Variants in PRPF8 observed in about 807,000 individuals in gnomAD.
PRPF8 encodes the protein pre-mRNA-processing-splicing factor 8.
A neutral mutation model predicts 285.9 loss-of-function variants in PRPF8; 64 were observed. That is an observed-to-expected ratio of 0.22 (90% CI 0.18 to 0.28). The LOEUF is 0.28. Ranked by LOEUF, PRPF8 falls within the 10% of genes least tolerant of loss-of-function variation. The probability of loss-of-function intolerance (pLI) is 1.00; values close to 1 mark genes in which losing one functional copy is unlikely to be tolerated. For synonymous variants in PRPF8, 1,325 were observed against 1,118.2 expected (o/e 1.18, Z -3.69); for missense variants, 1,426 against 3,026.7 (o/e 0.47, Z 12.41).
chr17:1,681,104 G>A (rs1337823088), intron 6 of PRPF8, 50 bp from the exon 7 acceptor site: 4 of 1,568,418 alleles, frequency 2.6e-6, no homozygotes, highest in Middle Eastern at 2.0e-4. Context: ...TTGAGACAGG[G>A]TCTCACTCTT....
At position 1,653,178 on chromosome 17, in the gene PRPF8, G is replaced by C. The variant is rs1200470329; in HGVS notation, c.6369+364C>G. The C allele has an allele frequency of 2.5e-6, 1 of 397,230 alleles. No homozygotes were observed. The highest frequency in any genetic ancestry group is 4.8e-6 in the Non-Finnish European group (1 of 209,020). 24.6% of individuals were successfully genotyped at this position (397,230 alleles called of 1,614,324 possible). A position where few individuals can be genotyped will look rare whatever the true frequency, so the allele number is the denominator to read the frequency against. ...TGGTCTCAAACCCCTGACCTCAGGT[G>C]ATCCACCCACCTAGGCCTCCCAAAG... On this transcript the variant is annotated intron_variant, in intron 39 of 42. Transcript: ENST00000304992. The surrounding 1 kb of genome is among the most constrained non-coding windows in gnomAD (Gnocchi z 4.9).
chr17:1,658,453 T>TA lies in PRPF8; in HGVS notation c.5376+72dup. On this transcript the variant is annotated intron_variant, in intron 33 of 42. Coordinates refer to ENST00000304992, the MANE Select transcript of PRPF8 (RefSeq NM_006445.4). This position sits in a 1 kb window ranked among gnomAD's most constrained non-coding sequence, Gnocchi z 4.1. ...CATCCTGCCTTCTTCCCAGCATGTG[T>TA]ACACACTTAGCCCATTACTCTCCCA... is the stretch of plus-strand genomic sequence containing the variant. 1.2e-6 allele frequency: 2 copies of TA among 1,614,048 alleles called. No homozygotes were observed. Among genetic ancestry groups the TA allele is most frequent in the Non-Finnish European group, 1.7e-6 (2 of 1,179,886 alleles).
rs555033732 is a variant in PRPF8 at position 1,661,910 on chromosome 17, G to C, written c.4018C>G (p.Leu1340Val). 1 of 1,614,172 alleles carries C rather than the reference G, an allele frequency of 6.2e-7. No individual in the cohort carries two copies. The highest frequency in any genetic ancestry group is 8.5e-7 in the Non-Finnish European group (1 of 1,180,042). Residue 1340 changes from leucine (L) to valine (V), a missense_variant, in exon 25 of 43, where the codon CTC (leucine) becomes GTC (valine). Transcript: ENST00000304992. This position sits in a 1 kb window ranked among gnomAD's most constrained non-coding sequence, Gnocchi z 7.3. ...MGHVLIPQSD[L>V]RWSKQTDVGI... Reference sequence around the variant, plus strand: ...ATACGTTGAACCAGGCTGTACCTGAGGTCGGATTGGGGGATGAGCACATGG... The same window carrying C: ...ATACGTTGAACCAGGCTGTACCTGACGTCGGATTGGGGGATGAGCACATGG...
At chr17:1,667,279 G>A (rs1912044149) in intron 24 of PRPF8, among the ~76,000 whole-genome samples, 1 of 152,202 alleles carries the variant, frequency 6.6e-6, no homozygotes, top group South Asian at 2.1e-4. Context: ...ACTTGGAATT[G>A]CTGATGTGTG....
At position 1,661,256 on chromosome 17, in the gene PRPF8, G is replaced by A; in HGVS notation, c.4338+15C>T. 2.5e-6 allele frequency: 4 copies of A among 1,614,112 alleles called. No individual in the cohort carries two copies. The highest frequency in any genetic ancestry group is 3.4e-6 in the Non-Finnish European group (4 of 1,180,024). ...GATTTTCCTGACTCAGGGAAAATCT[G>A]CTCCCTCTACATACCTGATACTGCT... On this transcript the variant is annotated intron_variant, in intron 27 of 42. Coordinates refer to ENST00000304992, the MANE Select transcript of PRPF8 (RefSeq NM_006445.4). This position sits in a 1 kb window ranked among gnomAD's most constrained non-coding sequence, Gnocchi z 7.3.
intron 37 of PRPF8, 30 bp downstream of exon 37, chr17:1,655,320 C>G: frequency 6.2e-7 from 1 of 1,611,872 alleles, no homozygotes; most frequent in Non-Finnish European, 8.5e-7. Flanking sequence ...ATATAGACCT[C>G]CTGTCTGTGT....
rs144028055 is a variant in PRPF8 at position 1,657,965 on chromosome 17, C to T, written c.5505+288G>A. On this transcript the variant is annotated intron_variant, in intron 34 of 42. Coordinates refer to ENST00000304992, the MANE Select transcript of PRPF8 (RefSeq NM_006445.4). ...CAGCCTGGGCCACACAGCGAGACTC[C>T]GGCTAAAAAAAAAAAAAAAAAAAAA... Among the ~76,000 whole-genome samples, 121 of 133,302 alleles carry T rather than the reference C, an allele frequency of 9.1e-4. 1 individual carries two copies. In the East Asian group the frequency reaches 0.02, roughly 22 times the overall value. 87.5% of individuals were successfully genotyped at this position (133,302 alleles called of 152,430 possible).
chr17:1,661,155 T>C lies in PRPF8; in HGVS notation c.4346A>G (p.Lys1449Arg). The C allele has an allele frequency of 6.2e-7, 1 of 1,614,188 alleles. No individual in the cohort carries two copies. Among genetic ancestry groups the C allele is most frequent in the Non-Finnish European group, 8.5e-7 (1 of 1,180,038 alleles). The part of the protein sequence containing the change: ...RTDFKQYQVL[K>R]QNPFWWTHQR... The stretch of plus-strand genomic sequence containing the variant: ...GTGTGTCCACCAGAACGGATTCTGC[T>C]TCAAAACCTAGATGGCAAGGCAGGC... The change falls in exon 28 of 43, where the codon AAG becomes AGG. Residue 1449 changes from lysine to arginine, a missense_variant. By Grantham distance (26) the Lys-to-Arg change is conservative. Transcript: ENST00000304992. This position sits in a 1 kb window ranked among gnomAD's most constrained non-coding sequence, Gnocchi z 7.3.
intron 3 of PRPF8, 200 bp downstream of exon 3, chr17:1,683,333 G>A: frequency 3.0e-6 from 2 of 668,792 alleles, no homozygotes; most frequent in Non-Finnish European, 2.6e-6. Context: ...ACAAATTAAA[G>A]CACCAGTCCC....
Position 1,679,791 on chromosome 17 carries a change from T to C in PRPF8, c.1107A>G (p.Glu369=). 2 of 1,614,150 alleles carry C rather than the reference T, an allele frequency of 1.2e-6. No homozygotes were observed. Residue 369 remains glutamate (E), a synonymous_variant, in exon 9 of 43, where the codon GAA becomes GAG. Transcript: ENST00000304992. The surrounding 1 kb of genome is among the most constrained non-coding windows in gnomAD (Gnocchi z 4.7). The part of the protein sequence containing the change: ...ISHRHSVKSQ[E]PLPDDDEEFE... ...ATTCCTCATCATCATCCGGCAATGG[T>C]TCCTGGCTCTGAAAAAGGAATCCCT...
At position 1,651,479 on chromosome 17, in the gene PRPF8, G is replaced by A. The variant is rs773192791; in HGVS notation, c.6585C>T (p.Thr2195=). The A allele has an allele frequency of 3.7e-6, 6 of 1,614,166 alleles. No homozygotes were observed. Among genetic ancestry groups the A allele is most frequent in the Non-Finnish European group, 5.1e-6 (6 of 1,180,024 alleles). The change falls in exon 41 of 43, where the codon ACC becomes ACT. Residue 2195 remains threonine (T), a synonymous_variant. Transcript: ENST00000304992. The surrounding 1 kb of genome is among the most constrained non-coding windows in gnomAD (Gnocchi z 5.1). ...GGTTGTCAGCCATGATCTTGGCATG[G>A]GTGGTGACATCCTGGGGTGATAACT... ...SPQLSPQDVT[T]HAKIMADNPS...
chr17:1,675,525 A>G lies in PRPF8; in HGVS notation c.2872+95T>C, dbSNP rs1597245019. ...TACTTCCCTTTACTACCACGCATCA[A>G]GAGAGTAAACCAATCATGCTACCCA... On this transcript the variant is annotated intron_variant, in intron 19 of 42. Coordinates refer to ENST00000304992, the MANE Select transcript of PRPF8 (RefSeq NM_006445.4). The surrounding 1 kb of genome is among the most constrained non-coding windows in gnomAD (Gnocchi z 6.0). The G allele has an allele frequency of 1.3e-6, 2 of 1,541,942 alleles. No homozygotes were observed. The highest frequency in any genetic ancestry group is 9.0e-7 in the Non-Finnish European group (1 of 1,116,064).
Position 1,673,994 on chromosome 17 carries a change from C to T in PRPF8, c.3300-102G>A. The T allele has an allele frequency of 1.6e-6, 2 of 1,278,622 alleles. No homozygotes were observed. Among genetic ancestry groups the T allele is most frequent in the Non-Finnish European group, 2.2e-6 (2 of 895,766 alleles). 79.2% of individuals were successfully genotyped at this position (1,278,622 alleles called of 1,614,324 possible). A position where few individuals can be genotyped will look rare whatever the true frequency, so the allele number is the denominator to read the frequency against. Reference sequence around the variant, plus strand: ...GACGGAGACCCCACCCCATCCTACCCCCACCCTCCCCGGGCTTCATTCCAT... The same window carrying T: ...GACGGAGACCCCACCCCATCCTACCTCCACCCTCCCCGGGCTTCATTCCAT... On this transcript the variant is annotated intron_variant, in intron 21 of 42. Transcript: ENST00000304992. The surrounding 1 kb of genome is among the most constrained non-coding windows in gnomAD (Gnocchi z 5.5).
chr17:1,658,665 C>T lies in PRPF8; in HGVS notation c.5237G>A (p.Arg1746Gln). 6.2e-7 allele frequency: 1 copy of T among 1,614,228 alleles called. No homozygotes were observed. Among genetic ancestry groups the T allele is most frequent in the Non-Finnish European group, 8.5e-7 (1 of 1,180,044 alleles). Residue 1746 changes from arginine to glutamine, a missense_variant, in exon 33 of 43, where the codon CGG becomes CAG. By Grantham distance (43) the Arg-to-Gln change is conservative. This residue lies in a region of PRPF8 where 74 missense variants were observed against 161.8 expected (regional missense o/e 0.46). Coordinates refer to ENST00000304992, the MANE Select transcript of PRPF8 (RefSeq NM_006445.4). The surrounding 1 kb of genome is among the most constrained non-coding windows in gnomAD (Gnocchi z 4.1). ...ATAGAGCTGTAGCCCCTTGCGGATC[C>T]GTTCACGTAACACATACAGGGCAGG... Reference protein sequence around the residue: ...ANPALYVLRERIRKGLQLYSS... With the variant: ...ANPALYVLREQIRKGLQLYSS...
intron 24 of PRPF8, among the ~76,000 whole-genome samples, chr17:1,664,876 G>A (rs1156508996): frequency 6.6e-6 from 1 of 151,976 alleles, no homozygotes; most frequent in Non-Finnish European, 1.5e-5. Context: ...TGAGGAATGG[G>A]GCCGGGCACG....
Position 1,651,621 on chromosome 17 carries a change from C to T in PRPF8, c.6510+27G>A, listed in dbSNP as rs1911074841. 6.2e-7 allele frequency: 1 copy of T among 1,614,120 alleles called. No homozygotes were observed. Among genetic ancestry groups the T allele is most frequent in the Non-Finnish European group, 8.5e-7 (1 of 1,180,024 alleles). On this transcript the variant is annotated intron_variant, in intron 40 of 42. Coordinates refer to ENST00000304992, the MANE Select transcript of PRPF8 (RefSeq NM_006445.4). This position sits in a 1 kb window ranked among gnomAD's most constrained non-coding sequence, Gnocchi z 5.1. ...CAGGAATCGCACCAGCTTTTCCACA[C>T]TCCCAGGCTCCATCACTCCCCATTA...
At chr17:1,670,243 C>T (rs1266870192) in intron 24 of PRPF8, among the ~76,000 whole-genome samples, 1 of 152,178 alleles carries the variant, frequency 6.6e-6, no homozygotes. Flanking sequence ...TCAGGAACTT[C>T]AAACTTTATA....
At chr17:1,656,989 A>C (rs1400097076) in intron 34 of PRPF8, among the ~76,000 whole-genome samples, 1 of 152,226 alleles carries the variant, frequency 6.6e-6, no homozygotes, top group Non-Finnish European at 1.5e-5. Context: ...AGTATGTGCT[A>C]AACTATACAC....
Position 1,659,641 on chromosome 17 carries a change from C to A in PRPF8, c.4947-93G>T, listed in dbSNP as rs1012971122. ...CACTTAAATCCCAAAACCATCCCAC[C>A]CACTCCACCAACTTGTTCCAGGTCA... On this transcript the variant is annotated intron_variant, in intron 31 of 42. Coordinates refer to ENST00000304992, the MANE Select transcript of PRPF8 (RefSeq NM_006445.4). This position sits in a 1 kb window ranked among gnomAD's most constrained non-coding sequence, Gnocchi z 5.1. 1 of 1,485,344 alleles carries A rather than the reference C, an allele frequency of 6.7e-7. No homozygotes were observed. The highest frequency in any genetic ancestry group is 9.3e-7 in the Non-Finnish European group (1 of 1,076,548). 92.0% of individuals were successfully genotyped at this position (1,485,344 alleles called of 1,614,324 possible).
Sources: gnomAD v4.1 joint callset for allele counts (sites outside exome capture counted in the v4.1 genomes callset) on GRCh38, gnomAD v4.1.1 for gene constraint, gnomAD v4.1.1 regional missense constraint, Gnocchi (gnomAD v3.1) non-coding constraint, MANE v1.5 for transcripts, NCBI Gene and HGNC (gene_info 2026-07-23, HGNC 2026-07-21) for gene names.